PLD5: variants seen among roughly 807,000 people sequenced by gnomAD.
PLD5 encodes inactive phospholipase D5.
In PLD5, 36 loss-of-function variants were observed where a neutral mutation model predicts 61.1. That is an observed-to-expected ratio of 0.59 (90% confidence interval 0.45 to 0.78). PLD5 has a LOEUF of 0.78. PLD5 is among the 30% of genes least tolerant of loss of function. PLD5 has a pLI of 0.00. For missense variants in PLD5, 515 were observed against 644.4 expected (o/e 0.80, Z 2.17); for synonymous variants, 243 against 242.8 (o/e 1.00, Z -0.01).
intron 5 of PLD5, among the ~76,000 whole-genome samples, chr1:242,216,625 T>C (rs979650231): frequency 1.4e-4 from 21 of 152,230 alleles, no homozygotes; most frequent in Admixed American, 1.3e-4. Flanking sequence ...AAATGCAAGC[T>C]TCGCTGACTG....
Position 242,163,299 on chromosome 1 carries a change from A to T in PLD5, c.736-38634T>A, listed in dbSNP as rs543186725. ...GCTGGGACTACAGGCGCCCGCCACC[A>T]CGCCCGGCTAATTTTTTGTATTTTT... On this transcript the variant is annotated intron_variant, in intron 5 of 9. Coordinates refer to ENST00000536534, the MANE Select transcript of PLD5 (RefSeq NM_001372062.1). 1.3e-3 allele frequency among the ~76,000 whole-genome samples: 190 copies of T among 151,674 alleles called. 1 individual carries two copies. Among genetic ancestry groups the T allele is most frequent in the Non-Finnish European group, 2.4e-3 (162 of 67,926 alleles).
intron 6 of PLD5, among the ~76,000 whole-genome samples, chr1:242,123,901 A>T (rs911503447): frequency 1.3e-5 from 2 of 152,158 alleles, no homozygotes; most frequent in Non-Finnish European, 2.9e-5. Context: ...GGTTCTTAGC[A>T]GAGTCAGAGG....
intron 1 of PLD5, among the ~76,000 whole-genome samples, chr1:242,512,201 GGA>G (rs1668937850): frequency 6.6e-6 from 1 of 151,660 alleles, no homozygotes; most frequent in Non-Finnish European, 1.5e-5. Flanking sequence ...CACGAGGTCA[GGA>G]GATCGAGACC....
At position 242,127,012 on chromosome 1, in the gene PLD5, C is replaced by G. The variant is rs564307421; in HGVS notation, c.736-2347G>C. On this transcript the variant is annotated intron_variant, in intron 5 of 9. Transcript: ENST00000536534. ...GCTAAGGACATGGGTAGACAATTCTCAAAAGAAGATATACAAATGGCCAAC... is the reference window on the plus strand; with the variant it reads ...GCTAAGGACATGGGTAGACAATTCTGAAAAGAAGATATACAAATGGCCAAC... Among the ~76,000 whole-genome samples, 13 of 152,164 alleles carry G rather than the reference C, an allele frequency of 8.5e-5. No homozygotes were observed. The South Asian group carries it at 2.5e-3, about 29-fold the overall frequency.
chr1:242,398,994 C>A (rs1179816662), intron 1 of PLD5, among the ~76,000 whole-genome samples: 3 of 152,136 alleles, frequency 2.0e-5, no homozygotes, highest in Non-Finnish European at 4.4e-5. Context: ...AAGATGACAC[C>A]ATTGGGGGAA....
At chr1:242,511,797 G>T (rs560432132) in intron 1 of PLD5, among the ~76,000 whole-genome samples, 1 of 152,260 alleles carries the variant, frequency 6.6e-6, no homozygotes, top group African/African-American at 2.4e-5. Context: ...TTAAAAACTA[G>T]TGAAATTCAA....
chr1:242,144,008 T>A (rs1338174605), intron 5 of PLD5, among the ~76,000 whole-genome samples: 1 of 151,834 alleles, frequency 6.6e-6, no homozygotes, highest in African/African-American at 2.4e-5. Flanking sequence ...TAGCTGAGAC[T>A]ACAGGCTCCC....
chr1:242,460,960 T>C (rs905668846), intron 1 of PLD5, among the ~76,000 whole-genome samples: 3 of 151,764 alleles, frequency 2.0e-5, no homozygotes, highest in African/African-American at 7.3e-5. Flanking sequence ...GGCAAGGTGG[T>C]GAAACCCCAT....
In PLD5 at chr1:242,487,849, T is replaced by C. The variant is rs954928216; in HGVS notation, c.189+36239A>G. 2.0e-5 allele frequency among the ~76,000 whole-genome samples: 3 copies of C among 152,322 alleles called. No homozygotes were observed. The South Asian group carries it at 6.2e-4, about 32-fold the overall frequency. On this transcript the variant is annotated intron_variant, in intron 1 of 9. Transcript: ENST00000536534. ...ATTCTCTATGTATTTATGTATATTGTATGTATATCATTTTGTAGGTTGTTT... is the reference window on the plus strand; with the variant it reads ...ATTCTCTATGTATTTATGTATATTGCATGTATATCATTTTGTAGGTTGTTT...
chr1:242,402,977 A>AT (rs1203122981), intron 1 of PLD5, among the ~76,000 whole-genome samples: 1 of 152,200 alleles, frequency 6.6e-6, no homozygotes, highest in Admixed American at 6.5e-5. Flanking sequence ...TAAAGTCTCT[A>AT]TTTTCCCAGC....
intron 5 of PLD5, among the ~76,000 whole-genome samples, chr1:242,209,659 G>A (rs1669667798): frequency 8.6e-6 from 1 of 116,530 alleles, no homozygotes; most frequent in Admixed American, 1.0e-4. Flanking sequence ...TAGACCAGCT[G>A]TTCCCCTGTC....
intron 1 of PLD5, among the ~76,000 whole-genome samples, chr1:242,452,943 A>G (rs777970439): frequency 1.6e-4 from 25 of 152,208 alleles, no homozygotes; most frequent in Non-Finnish European, 2.9e-4. Flanking sequence ...CAAGCAGGTA[A>G]AATGCTCAGC....
chr1:242,291,231 C>T (rs549559967), intron 2 of PLD5, among the ~76,000 whole-genome samples: 188 of 151,730 alleles, frequency 1.2e-3, no homozygotes, highest in Non-Finnish European at 2.0e-3. Flanking sequence ...GATTGGCTTC[C>T]TTATACCCCC....
chr1:242,373,229 G>A (rs1035795713), intron 1 of PLD5, among the ~76,000 whole-genome samples: 11 of 152,102 alleles, frequency 7.2e-5, no homozygotes, highest in Non-Finnish European at 1.3e-4. Context: ...TCAGAGAAAC[G>A]CAAATCAAAA....
At chr1:242,528,985 T>A (rs1301750670), upstream of PLD5, among the ~76,000 whole-genome samples, 1 of 152,222 alleles carries the variant, frequency 6.6e-6, no homozygotes, top group African/African-American at 2.4e-5. Flanking sequence ...TCCTCCTCAA[T>A]TACCCTTATA....
In PLD5 at chr1:242,357,136, TTTA is replaced by T. The variant is rs549628403; in HGVS notation, c.190-8897_190-8895del. Among the ~76,000 whole-genome samples the T allele has an allele frequency of 8.2e-3, 1,243 of 152,218 alleles. 12 individuals are homozygous for T. The highest frequency in any genetic ancestry group is 0.028 in the African/African-American group (1,180 of 41,540). On this transcript the variant is annotated intron_variant, in intron 1 of 9. Coordinates refer to ENST00000536534, the MANE Select transcript of PLD5 (RefSeq NM_001372062.1). ...CTAATAATGATGAATTTTCTTAGCTTTTATTTGCCTGGGAAAGCTTTTATTTCT... is the reference window on the plus strand; with the variant it reads ...CTAATAATGATGAATTTTCTTAGCTTTTTGCCTGGGAAAGCTTTTATTTCT...
intron 5 of PLD5, among the ~76,000 whole-genome samples, chr1:242,200,433 G>T (rs1668910749): frequency 6.6e-6 from 1 of 152,158 alleles, no homozygotes; most frequent in Admixed American, 6.5e-5. Flanking sequence ...TGAGTAAAAG[G>T]CAGTAGCTTT....
intron 4 of PLD5, among the ~76,000 whole-genome samples, chr1:242,262,404 T>G (rs1270850422): frequency 1.3e-5 from 2 of 152,170 alleles, no homozygotes; most frequent in African/African-American, 2.4e-5. Flanking sequence ...TTTGTGAAAT[T>G]CATTGAGCTA....
At chr1:242,339,581 A>C (rs1353351942) in intron 2 of PLD5, among the ~76,000 whole-genome samples, 1 of 152,202 alleles carries the variant, frequency 6.6e-6, no homozygotes, top group Non-Finnish European at 1.5e-5. Flanking sequence ...GCCAAAATGC[A>C]AGTGATGGTG....
Sources: allele counts gnomAD v4.1 joint callset (sites outside exome capture counted in the v4.1 genomes callset), GRCh38; gene constraint gnomAD v4.1.1; transcripts MANE v1.5; gene names NCBI Gene and HGNC (gene_info 2026-07-23, HGNC 2026-07-21).